BPTF: variants seen among roughly 807,000 people sequenced by gnomAD.
BPTF encodes the protein bromodomain PHD finger transcription factor.
A neutral mutation model predicts 292.5 loss-of-function variants in BPTF; 18 were observed. That is an observed-to-expected ratio of 0.06 (90% confidence interval 0.04 to 0.09). The LOEUF is 0.09. BPTF is among the 10% of genes least tolerant of loss of function. BPTF has a pLI of 1.00. For synonymous variants in BPTF, 1,225 were observed against 1,251.9 expected, an observed-to-expected ratio of 0.98 and a Z score of 0.45; for missense variants, 2,726 against 3,498.7, an observed-to-expected ratio of 0.78 and a Z score of 5.57.
chr17:67,930,755 A>T (rs1402226434), intron 17 of BPTF, among the ~76,000 whole-genome samples: 4 of 151,290 alleles, frequency 2.6e-5, no homozygotes, highest in Non-Finnish European at 5.9e-5. Flanking sequence ...AACCACCTAA[A>T]CAAAATGGCA....
chr17:67,914,314 A>G, intron 11 of BPTF, among the ~76,000 whole-genome samples: 1 of 152,228 alleles, frequency 6.6e-6, no homozygotes, highest in East Asian at 1.9e-4. Flanking sequence ...ACAACCAGTC[A>G]TAGTTTGTTT....
intron 18 of BPTF, among the ~76,000 whole-genome samples, chr17:67,936,407 A>G (rs1351133497): frequency 6.6e-6 from 1 of 152,214 alleles, no homozygotes; most frequent in Admixed American, 6.5e-5. Flanking sequence ...AATGTTTTCT[A>G]TATACTTAGA....
intron 24 of BPTF, among the ~76,000 whole-genome samples, chr17:67,960,879 A>G (rs570526067): frequency 3.7e-4 from 56 of 152,132 alleles, no homozygotes; most frequent in Non-Finnish European, 7.4e-4. Flanking sequence ...CCAAATGAAA[A>G]CTCTTTGTTG....
chr17:67,968,485 T>C (rs1361310506), intron 26 of BPTF, among the ~76,000 whole-genome samples: 5 of 151,264 alleles, frequency 3.3e-5, no homozygotes, highest in African/African-American at 1.2e-4. Context: ...TGGTAGAAAA[T>C]TCATAAAATA....
At chr17:67,877,877 C>G (rs2060143287) in intron 4 of BPTF, among the ~76,000 whole-genome samples, 1 of 152,208 alleles carries the variant, frequency 6.6e-6, no homozygotes, top group South Asian at 2.1e-4. Context: ...AAGCCATCCT[C>G]CCGCCTCTGC....
chr17:67,877,107 G>A (rs577933551), intron 4 of BPTF, among the ~76,000 whole-genome samples: 37 of 152,332 alleles, frequency 2.4e-4, no homozygotes, highest in Admixed American at 2.4e-3. Flanking sequence ...TTTTAAAGAG[G>A]AGTTTGGTAC....
intron 17 of BPTF, among the ~76,000 whole-genome samples, chr17:67,930,551 A>G (rs1327502279): frequency 2.6e-5 from 4 of 152,158 alleles, no homozygotes; most frequent in Non-Finnish European, 4.4e-5. Context: ...AGTTTTGTAG[A>G]CTAGCATTGT....
rs2062685005 is a variant in BPTF, at chr17:67,911,991, G to A, written c.4107G>A (p.Glu1369=). 6.2e-7 allele frequency: 1 copy of A among 1,613,808 alleles called. No homozygotes were observed. Among genetic ancestry groups the A allele is most frequent in the African/African-American group, 1.3e-5 (1 of 74,864 alleles). The change falls in exon 11 of 28, where the codon GAG becomes GAA. Residue 1369 remains glutamate, a synonymous_variant. Transcript: ENST00000306378. The part of the protein sequence containing the change: ...KKPSQQKKLE[E]RPVNKCSDQI... ...CAAGTCAGCAGAAGAAATTAGAGGAGAGACCAGTTAATAAATGTAGTGATC... is the reference window on the plus strand; with the variant it reads ...CAAGTCAGCAGAAGAAATTAGAGGAAAGACCAGTTAATAAATGTAGTGATC...
intron 18 of BPTF, among the ~76,000 whole-genome samples, chr17:67,934,916 T>C (rs898455838): frequency 6.6e-6 from 1 of 150,658 alleles, no homozygotes; most frequent in African/African-American, 2.5e-5. Flanking sequence ...TAAGTAACTT[T>C]TAAGTTAAAG....
intron 2 of BPTF, among the ~76,000 whole-genome samples, chr17:67,862,997 G>T (rs895699302): frequency 1.2e-4 from 18 of 152,020 alleles, no homozygotes. Context: ...TCACATTTTT[G>T]AGTATGTTAG....
chr17:67,968,150 GCT>G (rs1476837191), intron 26 of BPTF, among the ~76,000 whole-genome samples: 2 of 151,068 alleles, frequency 1.3e-5, no homozygotes, highest in African/African-American at 4.9e-5. Flanking sequence ...TTAAAACATA[GCT>G]AAAACCTTCC....
intron 11 of BPTF, among the ~76,000 whole-genome samples, chr17:67,918,415 T>A (rs935463557): frequency 1.3e-5 from 2 of 152,208 alleles, no homozygotes; most frequent in African/African-American, 4.8e-5. Context: ...AAAGTCTTCA[T>A]GAATTTTTGC....
At chr17:67,888,343 C>A (rs182099566) in intron 4 of BPTF, among the ~76,000 whole-genome samples, 1 of 152,150 alleles carries the variant, frequency 6.6e-6, no homozygotes, top group Non-Finnish European at 1.5e-5. Flanking sequence ...AATCCCAGCA[C>A]TTTGGGAGGC....
At chr17:67,918,616 A>G in intron 11 of BPTF, 98 bp from the exon 12 acceptor site, 2 of 1,189,330 alleles carry the variant, frequency 1.7e-6, no homozygotes, top group Admixed American at 4.4e-5. Context: ...TAATGAGGAC[A>G]AGAAACACAG....
At chr17:67,964,462 G>A in intron 25 of BPTF, 58 bp downstream of exon 25, 2 of 1,511,798 alleles carry the variant, frequency 1.3e-6, no homozygotes, top group South Asian at 1.2e-5. Context: ...AATTTTGGAA[G>A]CATTTCTAGG....
intron 1 of BPTF, among the ~76,000 whole-genome samples, chr17:67,838,520 A>C (rs1475470041): frequency 2.0e-5 from 3 of 152,076 alleles, no homozygotes; most frequent in African/African-American, 7.2e-5. Flanking sequence ...TCTGTCACCC[A>C]AGCTGGAGTG....
chr17:67,832,113 C>A (rs2056743613), intron 1 of BPTF, among the ~76,000 whole-genome samples: 2 of 152,098 alleles, frequency 1.3e-5, no homozygotes, highest in South Asian at 4.1e-4. Context: ...TGGTCTCAAA[C>A]TCCTGACCTT....
chr17:67,925,309 A>T (rs1400276513), intron 15 of BPTF, among the ~76,000 whole-genome samples: 1 of 152,078 alleles, frequency 6.6e-6, no homozygotes, highest in African/African-American at 2.4e-5. Flanking sequence ...ACTCCATAAG[A>T]GTTTGTTGTA....
intron 9 of BPTF, among the ~76,000 whole-genome samples, chr17:67,906,753 G>C (rs2062229837): frequency 2.0e-5 from 3 of 151,792 alleles, no homozygotes. Context: ...CCAGTATCTT[G>C]CTCGCGACAG....
Sources: gnomAD v4.1 joint callset for allele counts (sites outside exome capture counted in the v4.1 genomes callset) on GRCh38, gnomAD v4.1.1 for gene constraint, MANE v1.5 for transcripts, NCBI Gene and HGNC (gene_info 2026-07-23, HGNC 2026-07-21) for gene names.